The following SERPINI1 variants were observed in gnomAD, a reference collection of about 807,000 sequenced individuals.
SERPINI1 encodes the protein serpin family I member 1.
Under a neutral mutation model 41.1 loss-of-function variants are expected in SERPINI1, and 19 were observed. That is an observed-to-expected ratio of 0.46 (90% CI 0.32 to 0.68). The LOEUF is 0.68. SERPINI1 is among the 30% of genes least tolerant of loss of function. The pLI is 0.03. For missense variants in SERPINI1, 460 were observed against 479.2 expected (o/e 0.96, Z 0.37); for synonymous variants, 138 against 156.6 (o/e 0.88, Z 0.89).
intron 7 of SERPINI1, among the ~76,000 whole-genome samples, 193 bp downstream of exon 7, chr3:167,823,265 A>T (rs1193910328): frequency 6.6e-6 from 1 of 152,208 alleles, no homozygotes; most frequent in East Asian, 1.9e-4. Flanking sequence ...GTGCCCCTTT[A>T]CAGATAACTC....
intron 4 of SERPINI1, among the ~76,000 whole-genome samples, 173 bp from the exon 5 acceptor site, chr3:167,794,447 G>A (rs1727647622): frequency 6.6e-6 from 1 of 151,594 alleles, no homozygotes; most frequent in African/African-American, 2.4e-5. Flanking sequence ...ATACTTTTGG[G>A]GAACAAGTGT....
rs539494917 is a variant in SERPINI1, at chr3:167,767,368, G to C, written c.-18-21743G>C. Among the ~76,000 whole-genome samples the C allele has an allele frequency of 9.2e-5, 14 of 152,262 alleles. No individual in the cohort carries two copies. In the South Asian group the frequency reaches 2.9e-3, roughly 32 times the overall value. ...TCCTTTCAAAATATTACTGCTCGTT[G>C]ACAGTGTATCTGATCACCCAAGAGC... On this transcript the variant is annotated intron_variant, in intron 1 of 8. Coordinates refer to ENST00000446050, the MANE Select transcript of SERPINI1 (RefSeq NM_001122752.2).
intron 1 of SERPINI1, among the ~76,000 whole-genome samples, chr3:167,736,794 A>G (rs1287262221): frequency 6.6e-6 from 1 of 152,252 alleles, no homozygotes; most frequent in African/African-American, 2.4e-5. Flanking sequence ...GGTAAAGATG[A>G]AAGTCTCACC....
intron 1 of SERPINI1, among the ~76,000 whole-genome samples, chr3:167,777,767 T>C (rs1188183141): frequency 6.6e-6 from 1 of 152,226 alleles, no homozygotes; most frequent in Non-Finnish European, 1.5e-5. Context: ...CAGGGCTAGA[T>C]TGTGTTACAG....
intron 1 of SERPINI1, among the ~76,000 whole-genome samples, chr3:167,778,057 A>G (rs1252389752): frequency 6.6e-6 from 1 of 152,212 alleles, no homozygotes; most frequent in Non-Finnish European, 1.5e-5. Context: ...ACTTCCCAGC[A>G]TTCAGAATCA....
intron 1 of SERPINI1, among the ~76,000 whole-genome samples, chr3:167,738,390 A>G (rs1725554472): frequency 1.3e-5 from 2 of 152,208 alleles, no homozygotes; most frequent in South Asian, 4.1e-4. Flanking sequence ...GTTAGCATGG[A>G]TTTCTTTTTA....
chr3:167,756,844 C>T (rs1267104779), intron 1 of SERPINI1, among the ~76,000 whole-genome samples: 2 of 152,198 alleles, frequency 1.3e-5, no homozygotes, highest in African/African-American at 4.8e-5. Flanking sequence ...ATGCAACCAA[C>T]TTTCTGCTTC....
At chr3:167,797,686 A>T (rs1313899403) in intron 5 of SERPINI1, among the ~76,000 whole-genome samples, 1 of 151,858 alleles carries the variant, frequency 6.6e-6, no homozygotes, top group South Asian at 2.1e-4. Flanking sequence ...ATGTAGAAAT[A>T]TTCCATTATA....
intron 1 of SERPINI1, among the ~76,000 whole-genome samples, chr3:167,785,582 A>C (rs779254367): frequency 3.3e-5 from 5 of 152,234 alleles, no homozygotes; most frequent in Admixed American, 6.5e-5. Context: ...TTCCATTAAT[A>C]AAATGGAGAT....
At chr3:167,766,183 A>G (rs980047598) in intron 1 of SERPINI1, among the ~76,000 whole-genome samples, 1 of 149,746 alleles carries the variant, frequency 6.7e-6, no homozygotes, top group Non-Finnish European at 1.5e-5. Flanking sequence ...GTTCATTTTC[A>G]TGCTGCTGAT....
intron 6 of SERPINI1, among the ~76,000 whole-genome samples, chr3:167,821,905 C>A (rs2108574823): frequency 6.6e-6 from 1 of 152,224 alleles, no homozygotes; most frequent in Non-Finnish European, 1.5e-5. Context: ...AAAATTGCAA[C>A]CCAAAGGCAG....
intron 1 of SERPINI1, among the ~76,000 whole-genome samples, chr3:167,764,628 T>C (rs1726501792): frequency 6.6e-6 from 1 of 152,154 alleles, no homozygotes. Flanking sequence ...CATCCTAACA[T>C]TTCAAAACTA....
chr3:167,801,138 G>A (rs529355846), intron 5 of SERPINI1, among the ~76,000 whole-genome samples: 1 of 152,122 alleles, frequency 6.6e-6, no homozygotes, highest in African/African-American at 2.4e-5. Context: ...TTTTTAACAT[G>A]AGTGCTTTTC....
At chr3:167,790,313 C>T (rs1296423474) in intron 2 of SERPINI1, 59 bp from the exon 3 acceptor site, 1 of 1,300,138 alleles carries the variant, frequency 7.7e-7, no homozygotes, top group African/African-American at 1.5e-5. Flanking sequence ...CTCCTCCACT[C>T]TCCTTGACAT....
Position 167,761,851 on chromosome 3 carries a change from CTATT to C in SERPINI1, c.-19+26034_-19+26037del, listed in dbSNP as rs1371799535. ...GAACAGAGGAGAAGGTTTTCAATCT[CTATT>C]TATTTTTCAAAATTCATTACTTGTA... is the stretch of plus-strand genomic sequence containing the variant. On this transcript the variant is annotated intron_variant, in intron 1 of 8. Coordinates refer to ENST00000446050, the MANE Select transcript of SERPINI1 (RefSeq NM_001122752.2). 4.6e-5 allele frequency among the ~76,000 whole-genome samples: 7 copies of C among 152,236 alleles called. No individual in the cohort carries two copies. In the East Asian group the frequency reaches 7.7e-4, roughly 17 times the overall value.
At chr3:167,796,533 A>T (rs188629445) in intron 5 of SERPINI1, among the ~76,000 whole-genome samples, 1 of 151,762 alleles carries the variant, frequency 6.6e-6, no homozygotes, top group Admixed American at 6.6e-5. Flanking sequence ...ACAGGCCCCA[A>T]TGTGTGTTGT....
At chr3:167,786,481 C>G (rs1486134151) in intron 1 of SERPINI1, among the ~76,000 whole-genome samples, 7 of 137,372 alleles carry the variant, frequency 5.1e-5, no homozygotes, top group Admixed American at 4.8e-4. Flanking sequence ...GCACTCCAGC[C>G]TGGGCGACAG....
intron 5 of SERPINI1, among the ~76,000 whole-genome samples, chr3:167,801,234 C>A (rs531337341): frequency 6.6e-6 from 1 of 152,170 alleles, no homozygotes; most frequent in East Asian, 1.9e-4. Flanking sequence ...TTGTTATTTT[C>A]TAACACTTGT....
rs1358587393 is a variant in SERPINI1 at position 167,801,476 on chromosome 3, C to T, written c.882-5768C>T. ...GTTGGAATTATAGTGATTAGTGATG[C>T]GGGGGCTTTACTGTCAGAAAGACCT... On this transcript the variant is annotated intron_variant, in intron 5 of 8. Transcript: ENST00000446050. Among the ~76,000 whole-genome samples, 6 of 151,848 alleles carry T rather than the reference C, an allele frequency of 4.0e-5. No homozygotes were observed. In the South Asian group the frequency reaches 8.3e-4, roughly 21 times the overall value.
Sources: gnomAD v4.1 joint callset for allele counts (sites outside exome capture counted in the v4.1 genomes callset) on GRCh38, gnomAD v4.1.1 for gene constraint, MANE v1.5 for transcripts, NCBI Gene and HGNC (gene_info 2026-07-23, HGNC 2026-07-21) for gene names.